The following CCND3 variants were observed in gnomAD, a reference collection of about 807,000 sequenced individuals.
The protein encoded by CCND3 is cyclin D3, also known as G1/S-specific cyclin-D3.
A neutral mutation model predicts 28.7 loss-of-function variants in CCND3; 9 were observed. That is an observed-to-expected ratio of 0.31 (90% CI 0.19 to 0.55). The LOEUF (loss-of-function observed/expected upper bound fraction) is 0.55, where lower values mean the gene tolerates loss of function less well. Among genes scored for constraint, CCND3 ranks in the 20% least tolerant of loss-of-function variants. The pLI, the probability that CCND3 is intolerant of heterozygous loss-of-function variation, is 0.93. For synonymous variants in CCND3, 164 were observed against 163.9 expected (o/e 1.00, Z 0.00); for missense variants, 315 against 385.8 (o/e 0.82, Z 1.54).
At chr6:41,962,177 T>C (rs1375136844) in intron 1 of CCND3, among the ~76,000 whole-genome samples, 1 of 152,114 alleles carries the variant, frequency 6.6e-6, no homozygotes, top group Non-Finnish European at 1.5e-5. Flanking sequence ...ATCGGCTCAC[T>C]GCAACCTCCG....
chr6:42,036,404 T>TATATATATATATA (rs1554168369), intron 1 of CCND3, among the ~76,000 whole-genome samples: 4 of 20,982 alleles, frequency 1.9e-4, no homozygotes, highest in East Asian at 1.7e-3. Flanking sequence ...TATATATATA[T>TATATATATATATA]TTTTTTTTTT....
In CCND3 at chr6:41,936,007, C is replaced by T. The variant is rs764155094; in HGVS notation, c.812G>A (p.Arg271Gln). ...GCTGGGCCCTTGGCTGCTGGAGCCC[C>T]GGGGGGCTTTGGGCGCTGGGCTGGA... ...TSSSPAPKAP[R>Q]GSSSQGPSQT... is the part of the protein sequence containing the mutation. The change falls in exon 5 of 5, where the codon CGG becomes CAG. Residue 271 changes from arginine (R) to glutamine (Q), a missense_variant. Arg to Gln is a conservative substitution (Grantham distance 43, BLOSUM62 1). Coordinates refer to ENST00000372991, the MANE Select transcript of CCND3 (RefSeq NM_001760.5). The surrounding 1 kb of genome is among the most constrained non-coding windows in gnomAD (Gnocchi z 4.4). 21 of 1,612,990 alleles carry T rather than the reference C, an allele frequency of 1.3e-5. 1 individual carries two copies. The highest frequency in any genetic ancestry group is 2.7e-5 in the African/African-American group (2 of 74,886).
chr6:42,005,873 C>T (rs560180271), intron 1 of CCND3, among the ~76,000 whole-genome samples: 4 of 152,000 alleles, frequency 2.6e-5, no homozygotes, highest in Admixed American at 6.6e-5. Flanking sequence ...TTAGTAGAGA[C>T]GGGGTTTCAC....
At chr6:41,964,492 G>C (rs1244230548) in intron 1 of CCND3, among the ~76,000 whole-genome samples, 1 of 133,854 alleles carries the variant, frequency 7.5e-6, no homozygotes, top group South Asian at 2.4e-4. Flanking sequence ...GTGAATGTGT[G>C]TGTGTGAGTG....
Position 42,003,446 on chromosome 6 carries a change from A to C in CCND3, c.-46+45055T>G, listed in dbSNP as rs1203519956. Among the ~76,000 whole-genome samples the C allele has an allele frequency of 5.7e-5, 8 of 141,038 alleles. No homozygotes were observed. The Admixed American group carries it at 6.1e-4, about 11-fold the overall frequency. 92.5% of individuals were successfully genotyped at this position (141,038 alleles called of 152,430 possible). On this transcript the variant is annotated intron_variant, in intron 1 of 4. Transcript: ENST00000372988. ...AGGCTGAGGCAGGAGAATCACTTGA[A>C]CCCCAGAGGTGGAGGCTGCAGTGAG...
intron 1 of CCND3, among the ~76,000 whole-genome samples, chr6:41,980,078 T>TA (rs1333459304): frequency 6.9e-5 from 10 of 143,900 alleles, no homozygotes; most frequent in African/African-American, 2.6e-4. Context: ...CTATCTATCT[T>TA]AAAAGACAAA....
chr6:41,989,468 A>C (rs1321810652), intron 1 of CCND3, among the ~76,000 whole-genome samples: 2 of 62,200 alleles, frequency 3.2e-5, no homozygotes, highest in African/African-American at 4.3e-5. Flanking sequence ...AAAAAAAAAC[A>C]AAAAAAAAAA....
At position 41,935,434 on chromosome 6, in the gene CCND3, C is replaced by T. The variant is rs1210125115; in HGVS notation, c.*506G>A. On this transcript the variant is annotated 3_prime_UTR_variant, in exon 5 of 5. Coordinates refer to ENST00000372991, the MANE Select transcript of CCND3 (RefSeq NM_001760.5). ...CTCCCTCTAGGAGCAGCTGTCAGCA[C>T]GGACTACATAGGGGCCTCCAAAGTA... 8 of 247,792 alleles carry T rather than the reference C, an allele frequency of 3.2e-5. No homozygotes were observed. The highest frequency in any genetic ancestry group is 4.7e-5 in the Non-Finnish European group (6 of 128,276). 15.3% of individuals were successfully genotyped at this position (247,792 alleles called of 1,614,324 possible). A position where few individuals can be genotyped will look rare whatever the true frequency, so the allele number is the denominator to read the frequency against.
At chr6:42,000,636 C>G (rs1230192027) in intron 1 of CCND3, among the ~76,000 whole-genome samples, 3 of 141,670 alleles carry the variant, frequency 2.1e-5, no homozygotes, top group Non-Finnish European at 4.5e-5. Flanking sequence ...GGCGCAATCT[C>G]GGCTCACCAC....
chr6:42,033,408 C>A (rs1234165497), intron 1 of CCND3, among the ~76,000 whole-genome samples: 1 of 151,470 alleles, frequency 6.6e-6, no homozygotes, highest in Admixed American at 6.6e-5. Context: ...TGAGATCACA[C>A]CATTGCACTC....
intron 1 of CCND3, 61 bp from the exon 2 acceptor site, chr6:41,940,646 G>A (rs1775972225): frequency 1.7e-6 from 2 of 1,194,666 alleles, no homozygotes; most frequent in South Asian, 1.2e-5. Flanking sequence ...CAGCGGGGGG[G>A]TGGGAGCGCT....
At chr6:41,968,396 T>C (rs568490513) in intron 1 of CCND3, among the ~76,000 whole-genome samples, 1 of 152,180 alleles carries the variant, frequency 6.6e-6, no homozygotes, top group Non-Finnish European at 1.5e-5. Context: ...CTATGGAAAA[T>C]ATTACAAAAT....
chr6:41,937,462 C>T (rs950696357), intron 2 of CCND3, 68 bp from the exon 3 acceptor site: 1 of 1,578,768 alleles, frequency 6.3e-7, no homozygotes, highest in Non-Finnish European at 8.7e-7. Flanking sequence ...AAGCAGAAGT[C>T]TCAAAGTCTC....
intron 1 of CCND3, among the ~76,000 whole-genome samples, chr6:41,997,047 A>G (rs948092233): frequency 6.6e-6 from 1 of 152,150 alleles, no homozygotes; most frequent in South Asian, 2.1e-4. Context: ...TGTCCCTGCC[A>G]CATCCCTGCC....
Position 41,935,159 on chromosome 6 carries a change from C to A in CCND3, c.*781G>T. ...GGGAGAGGAGGGCATGACCCCACCCCAGGCTATAGCAGCTCCTTGGCCACA... is the reference window on the plus strand; with the variant it reads ...GGGAGAGGAGGGCATGACCCCACCCAAGGCTATAGCAGCTCCTTGGCCACA... On this transcript the variant is annotated 3_prime_UTR_variant, in exon 5 of 5. Transcript: ENST00000372991. The A allele has an allele frequency of 4.3e-6, 1 of 233,392 alleles. No homozygotes were observed. The allele number at this position is 233,392 out of a possible 1,614,324, so 14.5% of individuals were successfully genotyped here.
In CCND3 at chr6:41,936,060, C is replaced by G. The variant is rs33966734; in HGVS notation, c.759G>C (p.Glu253Asp). The change falls in exon 5 of 5, where the codon GAG becomes GAC. Residue 253 changes from glutamate to aspartate, a missense_variant. Glu to Asp is a conservative substitution (Grantham distance 45). Coordinates refer to ENST00000372991, the MANE Select transcript of CCND3 (RefSeq NM_001760.5). The surrounding 1 kb of genome is among the most constrained non-coding windows in gnomAD (Gnocchi z 4.4). ...TGGTCTGAGAGGCTTCCCTGAGGCT[C>G]TCCCTGAGTGCAGCTTCGATCTGCT... The part of the protein sequence containing the change: ...CQEQIEAALR[E>D]SLREASQTSS... 1 of 1,612,252 alleles carries G rather than the reference C, an allele frequency of 6.2e-7. No homozygotes were observed. Among genetic ancestry groups the G allele is most frequent in the Admixed American group, 1.7e-5 (1 of 59,834 alleles).
At chr6:42,022,248 T>C (rs2127433475) in intron 1 of CCND3, among the ~76,000 whole-genome samples, 1 of 152,296 alleles carries the variant, frequency 6.6e-6, no homozygotes, top group South Asian at 2.1e-4. Flanking sequence ...CAAAGCACCC[T>C]CACTTTCTCC....
chr6:41,979,428 G>A (rs1406647439), intron 1 of CCND3, among the ~76,000 whole-genome samples: 1 of 151,024 alleles, frequency 6.6e-6, no homozygotes, highest in African/African-American at 2.4e-5. Context: ...CAGCTACTCG[G>A]GAGGCTGAGG....
At position 41,966,674 on chromosome 6, in the gene CCND3, C is replaced by T. The variant is rs79643823; in HGVS notation, c.-45-26089G>A. On this transcript the variant is annotated intron_variant, in intron 1 of 4. Transcript: ENST00000372988. ...TCTTAGTTAGGCAGGTCTGTCTATCCCATAGCTAGAAATTCTGAGGGTCAG... is the reference window on the plus strand; with the variant it reads ...TCTTAGTTAGGCAGGTCTGTCTATCTCATAGCTAGAAATTCTGAGGGTCAG... Among the ~76,000 whole-genome samples, 128 of 152,272 alleles carry T rather than the reference C, an allele frequency of 8.4e-4. 3 individuals carry two copies. The East Asian group carries it at 0.024, about 29-fold the overall frequency.
Sources: allele counts gnomAD v4.1 joint callset (sites outside exome capture counted in the v4.1 genomes callset), GRCh38; gene constraint gnomAD v4.1.1; non-coding constraint Gnocchi (gnomAD v3.1); transcripts MANE v1.5; gene names NCBI Gene and HGNC (gene_info 2026-07-23, HGNC 2026-07-21).